Variants in KCTD20 observed in about 807,000 individuals in gnomAD.
KCTD20 encodes BTB/POZ domain-containing protein KCTD20.
KCTD20 carries 30 observed loss-of-function variants against 39.6 expected under a neutral mutation model. That is an observed-to-expected ratio of 0.76 (90% confidence interval 0.57 to 1.03). The LOEUF is 1.03. KCTD20 is among the 50% of genes least tolerant of loss of function. KCTD20 has a pLI of 0.00. For missense variants in KCTD20, 422 were observed against 522.0 expected, an observed-to-expected ratio of 0.81 and a Z score of 1.87; for synonymous variants, 162 against 180.6, an observed-to-expected ratio of 0.90 and a Z score of 0.83.
At chr6:36,454,938 G>A (rs771917326) in intron 1 of KCTD20, among the ~76,000 whole-genome samples, 13 of 151,664 alleles carry the variant, frequency 8.6e-5, no homozygotes, top group Admixed American at 7.2e-4. Flanking sequence ...ATGAGCCACC[G>A]TGCCCGGCCT....
intron 1 of KCTD20, among the ~76,000 whole-genome samples, chr6:36,463,753 C>T (rs1204951684): frequency 2.0e-5 from 3 of 152,178 alleles, no homozygotes; most frequent in Admixed American, 6.5e-5. Flanking sequence ...GCTTGGATTT[C>T]TCAGCCTCCA....
chr6:36,443,101 G>C lies in KCTD20; in HGVS notation c.-57G>C, dbSNP rs1009248966. 8 of 152,236 alleles carry C rather than the reference G, an allele frequency of 5.3e-5. No individual in the cohort carries two copies. Among genetic ancestry groups the C allele is most frequent in the African/African-American group, 1.9e-4 (8 of 41,432 alleles). The allele number at this position is 152,236 out of a possible 1,614,324, so 9.4% of individuals were successfully genotyped here. The stretch of plus-strand genomic sequence containing the variant: ...CAGCCCCGAGCGGGACAGCGCGGCG[G>C]GGAGCGACGAGTAAGTGGCGGCGCG... On this transcript the variant is annotated 5_prime_UTR_variant, in exon 1 of 8. Transcript: ENST00000373731.
intron 7 of KCTD20, among the ~76,000 whole-genome samples, chr6:36,486,640 A>G (rs570250836): frequency 2.6e-5 from 4 of 152,304 alleles, no homozygotes; most frequent in South Asian, 4.1e-4. Context: ...ATTAGAAGGG[A>G]TAGAATTCTT....
At chr6:36,478,984 G>A in intron 3 of KCTD20, 137 bp from the exon 4 acceptor site, 1 of 601,140 alleles carries the variant, frequency 1.7e-6, no homozygotes, top group Non-Finnish European at 3.0e-6. Flanking sequence ...GTAGGCATTG[G>A]GTTCCAGTGC....
chr6:36,473,755 A>G (rs1427530461), intron 2 of KCTD20, among the ~76,000 whole-genome samples: 1 of 152,182 alleles, frequency 6.6e-6, no homozygotes, highest in Non-Finnish European at 1.5e-5. Flanking sequence ...CCTGGGCGAC[A>G]GTGTGAGACT....
intron 1 of KCTD20, among the ~76,000 whole-genome samples, chr6:36,456,741 C>T (rs1775448173): frequency 1.3e-5 from 2 of 151,980 alleles, no homozygotes; most frequent in Non-Finnish European, 2.9e-5. Flanking sequence ...GTGTGCACAA[C>T]CATGCCTGGA....
intron 1 of KCTD20, among the ~76,000 whole-genome samples, chr6:36,456,540 G>C (rs889131968): frequency 3.4e-5 from 5 of 148,574 alleles, no homozygotes; most frequent in Non-Finnish European, 7.4e-5. Context: ...TGGCCTCCCA[G>C]AGTGTTGGGA....
At chr6:36,463,257 A>G (rs1775651098) in intron 1 of KCTD20, among the ~76,000 whole-genome samples, 1 of 152,092 alleles carries the variant, frequency 6.6e-6, no homozygotes, top group South Asian at 2.1e-4. Flanking sequence ...TAATCTCTCC[A>G]TATTAATAGC....
intron 2 of KCTD20, among the ~76,000 whole-genome samples, chr6:36,474,041 C>T (rs904918736): frequency 6.6e-6 from 1 of 152,078 alleles, no homozygotes; most frequent in African/African-American, 2.4e-5. Context: ...ATCATTATCC[C>T]TTCTGAAAAA....
chr6:36,486,021 C>A (rs1183496256), intron 7 of KCTD20, among the ~76,000 whole-genome samples: 1 of 152,092 alleles, frequency 6.6e-6, no homozygotes, highest in Non-Finnish European at 1.5e-5. Context: ...CCTCCTGCCT[C>A]AGCCTTCCAA....
chr6:36,458,719 A>G lies in KCTD20; in HGVS notation c.-46-11333A>G, dbSNP rs186646102. Among the ~76,000 whole-genome samples, 92 of 150,932 alleles carry G rather than the reference A, an allele frequency of 6.1e-4. 1 individual carries two copies. In the East Asian group the frequency reaches 0.019, roughly 30 times the overall value. Reference sequence around the variant, plus strand: ...TAAAGAAGGCATTTTTGGCCAAGTGAGGTGGCCATGCCTGTAATCCCAACA... The same window carrying G: ...TAAAGAAGGCATTTTTGGCCAAGTGGGGTGGCCATGCCTGTAATCCCAACA... On this transcript the variant is annotated intron_variant, in intron 1 of 7. Coordinates refer to ENST00000373731, the MANE Select transcript of KCTD20 (RefSeq NM_173562.5).
intron 1 of KCTD20, among the ~76,000 whole-genome samples, chr6:36,449,327 G>T (rs1230214897): frequency 1.3e-5 from 2 of 151,854 alleles, no homozygotes. Flanking sequence ...AGCACTGATT[G>T]GTGCGTTTTT....
In KCTD20 at chr6:36,469,550, C is replaced by T. The variant is rs1775852177; in HGVS notation, c.-46-502C>T. On this transcript the variant is annotated intron_variant, in intron 1 of 7. Coordinates refer to ENST00000373731, the MANE Select transcript of KCTD20 (RefSeq NM_173562.5). This position sits in a 1 kb window ranked among gnomAD's most constrained non-coding sequence, Gnocchi z 4.6. ...GGGGAGATAAAAAGGAGAACTTGAGCTCTACAATCAGAATTAGCTTTTTTC... is the reference window on the plus strand; with the variant it reads ...GGGGAGATAAAAAGGAGAACTTGAGTTCTACAATCAGAATTAGCTTTTTTC... Among the ~76,000 whole-genome samples the T allele has an allele frequency of 6.6e-6, 1 of 152,162 alleles. No homozygotes were observed. The highest frequency in any genetic ancestry group is 6.5e-5 in the Admixed American group (1 of 15,278).
chr6:36,468,458 C>G (rs1775823686), intron 1 of KCTD20, among the ~76,000 whole-genome samples: 1 of 152,304 alleles, frequency 6.6e-6, no homozygotes, highest in East Asian at 1.9e-4. Flanking sequence ...GAAGTTTGAA[C>G]TTGGTTCTTG....
At chr6:36,468,633 T>C (rs1775827948) in intron 1 of KCTD20, among the ~76,000 whole-genome samples, 2 of 152,220 alleles carry the variant, frequency 1.3e-5, no homozygotes, top group South Asian at 4.1e-4. Flanking sequence ...TTGAAGGCAT[T>C]GGTGGTTCTG....
At chr6:36,443,212 T>C in intron 1 of KCTD20, 101 bp downstream of exon 1, 1 of 152,564 alleles carries the variant, frequency 6.6e-6, no homozygotes, top group Non-Finnish European at 1.5e-5. Flanking sequence ...AGGGGGCGTC[T>C]CCTCCGGACG....
At position 36,488,680 on chromosome 6, in the gene KCTD20, A is replaced by T. The variant is rs1259235441; in HGVS notation, c.*1505A>T. 1 of 152,172 alleles carries T rather than the reference A, an allele frequency of 6.6e-6. No individual in the cohort carries two copies. The highest frequency in any genetic ancestry group is 1.5e-5 in the Non-Finnish European group (1 of 68,026). The allele number at this position is 152,172 out of a possible 1,614,324, so 9.4% of individuals were successfully genotyped here. On this transcript the variant is annotated 3_prime_UTR_variant, in exon 8 of 8. Transcript: ENST00000373731. Reference sequence around the variant, plus strand: ...AAAAAGTGGATTTTGGAGCACTTCAAATTTCGGATTTTTGGATTTGGGATG... The same window carrying T: ...AAAAAGTGGATTTTGGAGCACTTCATATTTCGGATTTTTGGATTTGGGATG...
In KCTD20 at chr6:36,469,215, T is replaced by G. The variant is rs1263826967; in HGVS notation, c.-46-837T>G. 2.0e-5 allele frequency among the ~76,000 whole-genome samples: 3 copies of G among 152,212 alleles called. No individual in the cohort carries two copies. Among genetic ancestry groups the G allele is most frequent in the Non-Finnish European group, 2.9e-5 (2 of 68,040 alleles). On this transcript the variant is annotated intron_variant, in intron 1 of 7. Coordinates refer to ENST00000373731, the MANE Select transcript of KCTD20 (RefSeq NM_173562.5). This position sits in a 1 kb window ranked among gnomAD's most constrained non-coding sequence, Gnocchi z 4.6. ...AATGCCAGTGGAAATTTGTACAGTG[T>G]AAACTGTGAAAGTGCTAAGTAGAGT... is the stretch of plus-strand genomic sequence containing the variant.
chr6:36,487,488 G>A lies in KCTD20; in HGVS notation c.*313G>A, dbSNP rs1277585680. The A allele has an allele frequency of 2.1e-5, 7 of 336,774 alleles. No homozygotes were observed. The highest frequency in any genetic ancestry group is 3.3e-5 in the Non-Finnish European group (6 of 183,282). The allele number at this position is 336,774 out of a possible 1,614,324, so 20.9% of individuals were successfully genotyped here. On this transcript the variant is annotated 3_prime_UTR_variant, in exon 8 of 8. Coordinates refer to ENST00000373731, the MANE Select transcript of KCTD20 (RefSeq NM_173562.5). ...AGGAAGTCAAGACTCCTGTTGCCTC[G>A]TGCTTAGCAAAGCAGTCCTTATCCT...
Sources: gnomAD v4.1 joint callset for allele counts (sites outside exome capture counted in the v4.1 genomes callset) on GRCh38, gnomAD v4.1.1 for gene constraint, Gnocchi (gnomAD v3.1) non-coding constraint, MANE v1.5 for transcripts, NCBI Gene and HGNC (gene_info 2026-07-23, HGNC 2026-07-21) for gene names.